Variants in LOXHD1 observed in about 807,000 individuals in gnomAD.
LOXHD1 encodes the protein lipoxygenase homology domain-containing protein 1.
A neutral mutation model predicts 248.2 loss-of-function variants in LOXHD1; 205 were observed. That is an observed-to-expected ratio of 0.83 (90% CI 0.74 to 0.93). LOXHD1 has a LOEUF of 0.93. Among genes scored for constraint, LOXHD1 ranks in the 40% least tolerant of loss-of-function variants. The pLI, the probability that LOXHD1 is intolerant of heterozygous loss-of-function variation, is 0.00. For synonymous variants in LOXHD1, 1,113 were observed against 1,162.8 expected, an observed-to-expected ratio of 0.96 and a Z score of 0.87; for missense variants, 2,930 against 2,971.6, an observed-to-expected ratio of 0.99 and a Z score of 0.33.
chr18:46,645,738 G>C (rs2039021158), intron 2 of LOXHD1, among the ~76,000 whole-genome samples: 1 of 151,942 alleles, frequency 6.6e-6, no homozygotes, highest in Non-Finnish European at 1.5e-5. Flanking sequence ...TGGTACTGAA[G>C]TTCCTCTTGG....
chr18:46,569,660 G>A (rs1263749331), intron 15 of LOXHD1, 22 bp from the exon 16 acceptor site: 1 of 1,540,372 alleles, frequency 6.5e-7, no homozygotes, highest in African/African-American at 1.4e-5. Flanking sequence ...AAGGCAGAGG[G>A]AGGAAGGGAA....
intron 21 of LOXHD1, among the ~76,000 whole-genome samples, 180 bp from the exon 22 acceptor site, chr18:46,547,238 G>A (rs2036888961): frequency 6.6e-6 from 1 of 152,142 alleles, no homozygotes; most frequent in Non-Finnish European, 1.5e-5. Context: ...CATTTGCCTG[G>A]GGTAGAGAAC....
In LOXHD1 at chr18:46,524,503, C is replaced by T. The variant is rs1568136028; in HGVS notation, c.4839G>A (p.Val1613=). 1 of 1,551,734 alleles carries T rather than the reference C, an allele frequency of 6.4e-7. No individual in the cohort carries two copies. The change falls in exon 31 of 41, where the codon GTG becomes GTA. Residue 1613 remains valine (V), a synonymous_variant. Transcript: ENST00000642948. ...SKMADVDIST[V]TGPMADYVQE... ...GAACGTAGTCAGCCATGGGCCCGGT[C>T]ACTGTGCTGATGTCGACATCGGCCA...
intron 21 of LOXHD1, among the ~76,000 whole-genome samples, chr18:46,551,152 G>A (rs1238397199): frequency 1.3e-5 from 2 of 150,644 alleles, no homozygotes; most frequent in East Asian, 3.9e-4. Flanking sequence ...TCCCAGACTG[G>A]AGTGCAGTGG....
rs1483000715 is a variant in LOXHD1 at position 46,518,211 on chromosome 18, C to T, written c.5317G>A (p.Gly1773Ser). 1.9e-6 allele frequency: 3 copies of T among 1,551,644 alleles called. No individual in the cohort carries two copies. The highest frequency in any genetic ancestry group is 2.6e-6 in the Non-Finnish European group (3 of 1,146,970). Residue 1773 changes from glycine to serine, a missense_variant, in exon 34 of 41, where the codon GGC (glycine) becomes AGC (serine). Coordinates refer to ENST00000642948, the MANE Select transcript of LOXHD1 (RefSeq NM_001384474.1). Reference protein sequence around the residue: ...TVWTGDVVGGGTDSNIFMTLY... With the variant: ...TVWTGDVVGGSTDSNIFMTLY... ...GTCATGAAGATGTTGGAGTCAGTGC[C>T]CCCGCCAACCACATCCCCTGTCCAC...
At chr18:46,640,367 A>G (rs577166023) in intron 3 of LOXHD1, among the ~76,000 whole-genome samples, 6 of 152,320 alleles carry the variant, frequency 3.9e-5, no homozygotes, top group Non-Finnish European at 8.8e-5. Flanking sequence ...CCCTCTCTTC[A>G]TCATGACTCC....
intron 21 of LOXHD1, among the ~76,000 whole-genome samples, chr18:46,549,950 G>A (rs2037017498): frequency 6.6e-6 from 1 of 152,162 alleles, no homozygotes; most frequent in Non-Finnish European, 1.5e-5. Context: ...TTGCCTCTTT[G>A]TCTTTGAAAT....
chr18:46,556,252 C>T (rs565050317), intron 21 of LOXHD1, among the ~76,000 whole-genome samples: 2 of 152,010 alleles, frequency 1.3e-5, no homozygotes, highest in Non-Finnish European at 2.9e-5. Context: ...CTGGTCTTTA[C>T]ACAAAATGTT....
At chr18:46,639,177 C>T (rs556340919) in intron 4 of LOXHD1, among the ~76,000 whole-genome samples, 2 of 152,330 alleles carry the variant, frequency 1.3e-5, no homozygotes, top group East Asian at 3.9e-4. Flanking sequence ...GCATGATGAG[C>T]TCTGGCTGCT....
intron 40 of LOXHD1, among the ~76,000 whole-genome samples, chr18:46,478,564 C>A (rs563642449): frequency 6.6e-6 from 1 of 152,166 alleles, no homozygotes; most frequent in Non-Finnish European, 1.5e-5. Flanking sequence ...TATGTCCTTC[C>A]CCTGCTCAGA....
Position 46,477,538 on chromosome 18 carries a change from A to G in LOXHD1, c.6756T>C (p.Cys2252=), listed in dbSNP as rs1158318254. 1 of 1,551,430 alleles carries G rather than the reference A, an allele frequency of 6.4e-7. No individual in the cohort carries two copies. Among genetic ancestry groups the G allele is most frequent in the Non-Finnish European group, 8.7e-7 (1 of 1,146,998 alleles). ...TSTGVATIFN[C]GRWLDKKRGD... ...CCCGCTTCTTGTCCAGCCACCTGCC[A>G]CAGTTGAAGATGGTGGCCACGCCGG... Residue 2252 remains cysteine, a synonymous_variant, in exon 41 of 41, where the codon TGT becomes TGC. Transcript: ENST00000642948.
In LOXHD1 at chr18:46,547,042, G is replaced by A. The variant is rs1376886244; in HGVS notation, c.3367C>T (p.Gln1123Ter). 1 of 1,551,744 alleles carries A rather than the reference G, an allele frequency of 6.4e-7. No individual in the cohort carries two copies. The highest frequency in any genetic ancestry group is 2.4e-5 in the East Asian group (1 of 40,916). The change falls in exon 22 of 41, where the codon CAA becomes TAA. Residue 1123 changes from glutamine to a stop codon, truncating the protein, a stop_gained. Coordinates refer to ENST00000642948, the MANE Select transcript of LOXHD1 (RefSeq NM_001384474.1). LOFTEE classifies it high-confidence loss of function. ...TCTTCCTCCACTGCCAGCCAACGTTGGCATGGAAAGTAGTACCTGTGGGGG... is the reference window on the plus strand; with the variant it reads ...TCTTCCTCCACTGCCAGCCAACGTTAGCATGGAAAGTAGTACCTGTGGGGG... Reference protein sequence around the residue: ...NNEITYYFPCQRWLAVEEDDG... With the variant: ...NNEITYYFPC
intron 13 of LOXHD1, among the ~76,000 whole-genome samples, chr18:46,579,407 C>G (rs16939650): frequency 1.3e-5 from 2 of 151,950 alleles, no homozygotes; most frequent in Non-Finnish European, 2.9e-5. Context: ...TGAATCAGGG[C>G]GGGCCAGATA....
chr18:46,638,289 G>A (rs1021330520), intron 4 of LOXHD1, among the ~76,000 whole-genome samples: 5 of 152,126 alleles, frequency 3.3e-5, no homozygotes, highest in Non-Finnish European at 5.9e-5. Flanking sequence ...TTTCTACAAT[G>A]ATCAAATTTG....
chr18:46,477,762 T>C lies in LOXHD1; in HGVS notation c.6532A>G (p.Ile2178Val), dbSNP rs867834666. 1 of 1,551,778 alleles carries C rather than the reference T, an allele frequency of 6.4e-7. No homozygotes were observed. The highest frequency in any genetic ancestry group is 8.7e-7 in the Non-Finnish European group (1 of 1,147,046). The change falls in exon 41 of 41, where the codon ATC becomes GTC. Residue 2178 changes from isoleucine to valine, a missense_variant. Physicochemically the swap from Ile to Val is conservative, Grantham distance 29. Coordinates refer to ENST00000642948, the MANE Select transcript of LOXHD1 (RefSeq NM_001384474.1). ...AGTDANVFVT[I>V]FGANGDTGKR... ...CCTGTGTCTCCGTTGGCCCCAAAGA[T>C]GGTCACGAAGACGTTGGCATCAGTG... is the stretch of plus-strand genomic sequence containing the variant.
At chr18:46,619,401 C>T (rs2038636809) in intron 4 of LOXHD1, among the ~76,000 whole-genome samples, 1 of 152,108 alleles carries the variant, frequency 6.6e-6, no homozygotes, top group South Asian at 2.1e-4. Context: ...TTGCCTGTGA[C>T]AATGATTTTT....
intron 17 of LOXHD1, among the ~76,000 whole-genome samples, chr18:46,565,786 A>G (rs2037627335): frequency 6.6e-6 from 1 of 152,188 alleles, no homozygotes; most frequent in Admixed American, 6.5e-5. Flanking sequence ...AAAAGTCTGT[A>G]TATGTTCAGT....
chr18:46,596,236 C>G (rs760883492), intron 8 of LOXHD1, among the ~76,000 whole-genome samples: 1 of 152,072 alleles, frequency 6.6e-6, no homozygotes, highest in Non-Finnish European at 1.5e-5. Flanking sequence ...AACTAGGTAG[C>G]CTGAAAAGCC....
rs2144138156 is a variant in LOXHD1, at chr18:46,522,272, G to A, written c.4914C>T (p.His1638=). 1 of 1,551,838 alleles carries A rather than the reference G, an allele frequency of 6.4e-7. No homozygotes were observed. The highest frequency in any genetic ancestry group is 8.7e-7 in the Non-Finnish European group (1 of 1,147,022). The change falls in exon 32 of 41, where the codon CAC becomes CAT. Residue 1638 remains histidine, a synonymous_variant. Transcript: ENST00000642948. ...PYYVSVTTGK[H]KDAATDSRAF... ...CTCGGCTGTCAGTGGCCGCGTCCTT[G>A]TGCTTCCCAGTGGTGACTGACACAT...
Sources: gnomAD v4.1 joint callset for allele counts (sites outside exome capture counted in the v4.1 genomes callset) on GRCh38, gnomAD v4.1.1 for gene constraint, MANE v1.5 for transcripts, NCBI Gene and HGNC (gene_info 2026-07-23, HGNC 2026-07-21) for gene names.